The following UPF1 variants were observed in gnomAD, a reference collection of about 807,000 sequenced individuals.
The protein encoded by UPF1 is regulator of nonsense transcripts 1.
In UPF1, 9 loss-of-function variants were observed where a neutral mutation model predicts 129.2. That is an observed-to-expected ratio of 0.07 (90% CI 0.04 to 0.12). The LOEUF is 0.12. Ranked by LOEUF, UPF1 falls within the 10% of genes least tolerant of loss-of-function variation. UPF1 has a pLI of 1.00. For synonymous variants in UPF1, 649 were observed against 644.9 expected, an observed-to-expected ratio of 1.01 and a Z score of -0.10; for missense variants, 788 against 1,525.3, an observed-to-expected ratio of 0.52 and a Z score of 8.05.
chr19:18,857,123 G>A, intron 14 of UPF1, 103 bp downstream of exon 14: 1 of 1,532,588 alleles, frequency 6.5e-7, no homozygotes, highest in Non-Finnish European at 8.8e-7. Context: ...CCAGCAGAGT[G>A]TGCGCACACT....
At position 18,865,864 on chromosome 19, in the gene UPF1, T is replaced by C; in HGVS notation, c.3237+86T>C. Reference sequence around the variant, plus strand: ...TTCCCTCTGAAGAGCCCCAGAGAGCTGGCCTGGCCCATGTCCACTGTCTGA... The same window carrying C: ...TTCCCTCTGAAGAGCCCCAGAGAGCCGGCCTGGCCCATGTCCACTGTCTGA... On this transcript the variant is annotated intron_variant, in intron 22 of 23. Coordinates refer to ENST00000262803, the MANE Select transcript of UPF1 (RefSeq NM_002911.4). This position sits in a 1 kb window ranked among gnomAD's most constrained non-coding sequence, Gnocchi z 6.1. 6.3e-7 allele frequency: 1 copy of C among 1,584,798 alleles called. No individual in the cohort carries two copies. The highest frequency in any genetic ancestry group is 8.6e-7 in the Non-Finnish European group (1 of 1,165,642).
Position 18,853,132 on chromosome 19 carries a change from A to ACC in UPF1, c.1057+62_1057+63dup. The ACC allele has an allele frequency of 6.2e-7, 1 of 1,607,374 alleles. No individual in the cohort carries two copies. Among genetic ancestry groups the ACC allele is most frequent in the East Asian group, 2.2e-5 (1 of 44,800 alleles). The stretch of plus-strand genomic sequence containing the variant: ...GATTTTAAGTTTTAAAATATTTGTG[A>ACC]CCATAAGTAGCATAAATTCCTAGTT... On this transcript the variant is annotated intron_variant, in intron 7 of 23. Coordinates refer to ENST00000262803, the MANE Select transcript of UPF1 (RefSeq NM_002911.4). This position sits in a 1 kb window ranked among gnomAD's most constrained non-coding sequence, Gnocchi z 4.4.
intron 3 of UPF1, among the ~76,000 whole-genome samples, chr19:18,849,600 C>A (rs932755215): frequency 6.6e-6 from 1 of 152,148 alleles, no homozygotes; most frequent in Non-Finnish European, 1.5e-5. Context: ...TATCAGATTT[C>A]CCGGCCTGCA....
At chr19:18,866,457 C>T in intron 23 of UPF1, 64 bp from the exon 24 acceptor site, 1 of 373,588 alleles carries the variant, frequency 2.7e-6, no homozygotes, top group Non-Finnish European at 4.8e-6. Context: ...GTCCTGTGTG[C>T]TGGGTACCTG....
chr19:18,860,122 C>T, intron 15 of UPF1, 199 bp from the exon 16 acceptor site: 56 of 548,330 alleles, frequency 1.0e-4, no homozygotes, highest in Admixed American at 2.3e-4. Flanking sequence ...CTCTCGGTGG[C>T]CTCTCCTCAG....
Position 18,865,705 on chromosome 19 carries a change from C to T in UPF1, c.3164C>T (p.Thr1055Met), listed in dbSNP as rs907984314. 13 of 1,613,712 alleles carry T rather than the reference C, an allele frequency of 8.1e-6. No homozygotes were observed. Among genetic ancestry groups the T allele is most frequent in the Middle Eastern group, 1.6e-4 (1 of 6,062 alleles). The change falls in exon 22 of 24, where the codon ACG (threonine) becomes ATG (methionine). Residue 1055 changes from threonine (T) to methionine (M), a missense_variant. By Grantham distance (81) the Thr-to-Met change is moderately conservative (BLOSUM62 -1). Coordinates refer to ENST00000262803, the MANE Select transcript of UPF1 (RefSeq NM_002911.4). The surrounding 1 kb of genome is among the most constrained non-coding windows in gnomAD (Gnocchi z 6.1). Reference protein sequence around the residue: ...ASQPFSQGALTQGYISMSQPS... With the variant: ...ASQPFSQGALMQGYISMSQPS... ...CAGCCCTTCTCTCAGGGCGCCCTGACGCAGGGCTACATCTCCATGAGCCAG... is the reference window on the plus strand; with the variant it reads ...CAGCCCTTCTCTCAGGGCGCCCTGATGCAGGGCTACATCTCCATGAGCCAG...
Position 18,857,322 on chromosome 19 carries a change from G to T in UPF1, c.1971G>T (p.Leu657=). 6.2e-7 allele frequency: 1 copy of T among 1,611,366 alleles called. No homozygotes were observed. The highest frequency in any genetic ancestry group is 1.1e-5 in the South Asian group (1 of 90,802). ...TGTGGGGGCCCCTGTTCCTACAGCT[G>T]ATCCTTGTAGGCGACCACTGCCAGC... ...MVPVVLGAKQ[L]ILVGDHCQLG... The change falls in exon 15 of 24, where the codon CTG becomes CTT. Residue 657 remains leucine, a splice_region_variant and synonymous_variant. Transcript: ENST00000262803.
At position 18,852,879 on chromosome 19, in the gene UPF1, C is replaced by A. The variant is rs538567242; in HGVS notation, c.973-108C>A. On this transcript the variant is annotated intron_variant, in intron 6 of 23. Transcript: ENST00000262803. ...GTGCCACTCACGGCGCCTGCTCTCACGGCAGAGGCTTGCTGTAGGGCCCGC... is the reference window on the plus strand; with the variant it reads ...GTGCCACTCACGGCGCCTGCTCTCAAGGCAGAGGCTTGCTGTAGGGCCCGC... The A allele has an allele frequency of 7.0e-5, 63 of 902,584 alleles. No individual in the cohort carries two copies. The African/African-American group carries it at 8.2e-4, about 12-fold the overall frequency. 55.9% of individuals were successfully genotyped at this position (902,584 alleles called of 1,614,324 possible). A position where few individuals can be genotyped will look rare whatever the true frequency, so the allele number is the denominator to read the frequency against.
Position 18,832,290 on chromosome 19 carries a change from C to A in UPF1, c.81C>A (p.Asp27Glu). The change falls in exon 1 of 24, where the codon GAC becomes GAA. Residue 27 changes from aspartate to glutamate, a missense_variant. This residue lies in a region of UPF1 where 112 missense variants were observed against 128.2 expected (regional missense o/e 0.87). Coordinates refer to ENST00000262803, the MANE Select transcript of UPF1 (RefSeq NM_002911.4). This position sits in a 1 kb window ranked among gnomAD's most constrained non-coding sequence, Gnocchi z 5.6. ...DTEEAELLGA[D>E]TQGSEFEFTD... ...AGGAGGCCGAGCTGCTTGGCGCCGA[C>A]ACACAGGGCTCCGAGTTCGAGTTCA... 1 of 1,542,592 alleles carries A rather than the reference C, an allele frequency of 6.5e-7. No individual in the cohort carries two copies. Among genetic ancestry groups the A allele is most frequent in the Non-Finnish European group, 8.7e-7 (1 of 1,143,540 alleles).
At chr19:18,862,358 T>C (rs2055789628) in intron 18 of UPF1, among the ~76,000 whole-genome samples, 1 of 152,292 alleles carries the variant, frequency 6.6e-6, no homozygotes, top group African/African-American at 2.4e-5. Flanking sequence ...GCAGGACGTA[T>C]TTTTCCAGGC....
intron 3 of UPF1, chr19:18,848,300 C>G (rs1441434574): frequency 6.0e-6 from 1 of 166,500 alleles, no homozygotes; most frequent in Non-Finnish European, 1.3e-5. Context: ...GCTGGGCTTG[C>G]CTTCCTGATG....
intron 6 of UPF1, 123 bp from the exon 7 acceptor site, chr19:18,852,864 C>T (rs1308626103): frequency 1.9e-5 from 15 of 772,392 alleles, no homozygotes; most frequent in South Asian, 1.0e-4. Context: ...GTGCCACTCA[C>T]GGCGCCTGCT....
In UPF1 at chr19:18,853,271, G is replaced by A; in HGVS notation, c.1077G>A (p.Gly359=). Residue 359 remains glycine, a synonymous_variant, in exon 8 of 24, where the codon GGG becomes GGA. Transcript: ENST00000262803. The surrounding 1 kb of genome is among the most constrained non-coding windows in gnomAD (Gnocchi z 4.4). Reference sequence around the variant, plus strand: ...CTCAAGACATGCGGCTCATGCAGGGGGATGAGATATGCCTGCGGTACAAAG... The same window carrying A: ...CTCAAGACATGCGGCTCATGCAGGGAGATGAGATATGCCTGCGGTACAAAG... The part of the protein sequence containing the change: ...KTDSDMRLMQ[G]DEICLRYKGD... 6.2e-6 allele frequency: 10 copies of A among 1,612,818 alleles called. No individual in the cohort carries two copies. The highest frequency in any genetic ancestry group is 8.5e-6 in the Non-Finnish European group (10 of 1,179,276).
chr19:18,862,005 T>A lies in UPF1; in HGVS notation c.2458-5T>A, dbSNP rs2055785681. 1 of 1,613,772 alleles carries A rather than the reference T, an allele frequency of 6.2e-7. No homozygotes were observed. The highest frequency in any genetic ancestry group is 8.5e-7 in the Non-Finnish European group (1 of 1,179,970). ...GCTGATAGTGACCACAAAGCTCCCT[T>A]CCAGGAGGTGGAGATCGCCAGTGTG... On this transcript the variant is annotated splice_polypyrimidine_tract_variant and splice_region_variant and intron_variant, in intron 17 of 23. Transcript: ENST00000262803.
At chr19:18,855,339 G>A (rs1474958393) in intron 11 of UPF1, 97 bp downstream of exon 11, 23 of 1,366,236 alleles carry the variant, frequency 1.7e-5, no homozygotes, top group Admixed American at 8.2e-5. Flanking sequence ...CTGTCACACC[G>A]AAGAGAGCAC....
In UPF1 at chr19:18,863,611, C is replaced by G; in HGVS notation, c.2774C>G (p.Pro925Arg). The change falls in exon 19 of 24, where the codon CCG becomes CGG. Residue 925 changes from proline to arginine, a missense_variant and splice_region_variant. By Grantham distance (103) the Pro-to-Arg change is moderately radical. Coordinates refer to ENST00000262803, the MANE Select transcript of UPF1 (RefSeq NM_002911.4). ...CGGAAGCTGGTCAACACTATCAACC[C>G]GGTGAGCGCCTGCACAGGACAGCAG... ...KPRKLVNTIN[P>R]GARFMTTAMY... is the part of the protein sequence containing the mutation. The G allele has an allele frequency of 6.2e-7, 1 of 1,612,662 alleles. No homozygotes were observed. Among genetic ancestry groups the G allele is most frequent in the Non-Finnish European group, 8.5e-7 (1 of 1,179,504 alleles).
intron 15 of UPF1, 127 bp from the exon 16 acceptor site, chr19:18,860,194 C>G: frequency 1.0e-6 from 1 of 1,002,670 alleles, no homozygotes; most frequent in South Asian, 1.5e-5. Flanking sequence ...ACCAGGGCCT[C>G]ACAGATCGAA....
chr19:18,860,217 A>T, intron 15 of UPF1, 104 bp from the exon 16 acceptor site: 1 of 1,215,214 alleles, frequency 8.2e-7, no homozygotes, highest in South Asian at 1.3e-5. Context: ...CTCCTGCCCC[A>T]GGACCTGCAG....
At chr19:18,856,751 G>A in intron 13 of UPF1, 126 bp from the exon 14 acceptor site, 2 of 1,347,408 alleles carry the variant, frequency 1.5e-6, no homozygotes, top group Non-Finnish European at 9.9e-7. Context: ...GGGAGGGACA[G>A]CTTGTTTTTT....
Sources: allele counts gnomAD v4.1 joint callset (sites outside exome capture counted in the v4.1 genomes callset), GRCh38; gene constraint gnomAD v4.1.1; regional missense constraint gnomAD v4.1.1; non-coding constraint Gnocchi (gnomAD v3.1); transcripts MANE v1.5; gene names NCBI Gene and HGNC (gene_info 2026-07-23, HGNC 2026-07-21).